The following CCSER1 variants were observed in gnomAD, a reference collection of about 807,000 sequenced individuals.
The protein encoded by CCSER1 is coiled-coil serine rich protein 1, also known as serine-rich coiled-coil domain-containing protein 1.
Under a neutral mutation model 82.0 loss-of-function variants are expected in CCSER1, and 41 were observed. The ratio of observed to expected loss-of-function variants is 0.50; its 90% CI spans 0.39 to 0.65. The LOEUF (loss-of-function observed/expected upper bound fraction) is 0.65. Among genes scored for constraint, CCSER1 ranks in the 30% least tolerant of loss-of-function variants. The pLI is 0.00. For missense variants in CCSER1, 1,119 were observed against 1,064.2 expected (o/e 1.05, Z -0.72); for synonymous variants, 414 against 383.9 (o/e 1.08, Z -0.92).
At chr4:90,390,452 C>A (rs181739752) in intron 3 of CCSER1, among the ~76,000 whole-genome samples, 185 of 152,192 alleles carry the variant, frequency 1.2e-3, no homozygotes, top group African/African-American at 4.4e-3. Flanking sequence ...TCCCACATGC[C>A]AAGTAGTCCC....
chr4:90,792,446 A>G (rs918637816), intron 7 of CCSER1, among the ~76,000 whole-genome samples: 8 of 152,030 alleles, frequency 5.3e-5, no homozygotes, highest in Admixed American at 2.6e-4. Context: ...GCACTGCCCA[A>G]TGTTATTCAC....
intron 10 of CCSER1, among the ~76,000 whole-genome samples, chr4:91,511,437 G>A (rs935936907): frequency 1.3e-5 from 2 of 152,110 alleles, no homozygotes; most frequent in Non-Finnish European, 2.9e-5. Flanking sequence ...TAATGACAAT[G>A]CTTCCAGGCC....
At chr4:91,595,593 C>A (rs1451071895) in intron 10 of CCSER1, among the ~76,000 whole-genome samples, 1 of 151,884 alleles carries the variant, frequency 6.6e-6, no homozygotes, top group Non-Finnish European at 1.5e-5. Context: ...TCAAGGAGGT[C>A]ATTAAATATT....
intron 1 of CCSER1, among the ~76,000 whole-genome samples, chr4:90,276,377 C>T (rs1727820321): frequency 7.3e-6 from 1 of 137,070 alleles, no homozygotes; most frequent in South Asian, 2.4e-4. Context: ...AACGGAGTCT[C>T]ACTCTGTTGC....
At chr4:90,723,035 A>G (rs945686056) in intron 6 of CCSER1, among the ~76,000 whole-genome samples, 2 of 151,946 alleles carry the variant, frequency 1.3e-5, no homozygotes, top group Non-Finnish European at 1.5e-5. Context: ...GTGTTTGCAC[A>G]TATATTTAGA....
chr4:90,654,526 A>G (rs1383339261), intron 6 of CCSER1, among the ~76,000 whole-genome samples: 3 of 152,120 alleles, frequency 2.0e-5, no homozygotes, highest in Non-Finnish European at 4.4e-5. Context: ...TTCTAAATGT[A>G]CATTGCTCAT....
At chr4:91,085,704 G>A (rs1723313660) in intron 9 of CCSER1, among the ~76,000 whole-genome samples, 1 of 152,126 alleles carries the variant, frequency 6.6e-6, no homozygotes, top group South Asian at 2.1e-4. Context: ...TAAAATAGAT[G>A]TATTAACATT....
intron 10 of CCSER1, among the ~76,000 whole-genome samples, chr4:91,476,706 C>T (rs190744314): frequency 6.6e-6 from 1 of 151,028 alleles, no homozygotes; most frequent in Non-Finnish European, 1.5e-5. Context: ...ACAAAAAAAA[C>T]CCCATAGACA....
intron 6 of CCSER1, among the ~76,000 whole-genome samples, chr4:90,719,030 G>A (rs958398190): frequency 2.0e-5 from 3 of 151,918 alleles, no homozygotes; most frequent in Non-Finnish European, 2.9e-5. Flanking sequence ...CTTTATTACA[G>A]GGCTCCTCAA....
intron 10 of CCSER1, among the ~76,000 whole-genome samples, chr4:91,223,637 G>A (rs1200066336): frequency 6.6e-6 from 1 of 152,072 alleles, no homozygotes; most frequent in Non-Finnish European, 1.5e-5. Context: ...CTGAGGATGG[G>A]TAGTGAGAAG....
chr4:91,387,602 G>A (rs1319951707), intron 10 of CCSER1, among the ~76,000 whole-genome samples: 1 of 151,960 alleles, frequency 6.6e-6, no homozygotes, highest in East Asian at 1.9e-4. Flanking sequence ...TTTCCTTGAG[G>A]CTTTGGTCTC....
At chr4:91,206,107 C>T (rs918459612) in intron 10 of CCSER1, among the ~76,000 whole-genome samples, 14 of 151,712 alleles carry the variant, frequency 9.2e-5, no homozygotes, top group Admixed American at 2.6e-4. Flanking sequence ...CCAGAATGTT[C>T]GGGGAAGTGA....
At chr4:90,225,160 G>T (rs1307301661) in intron 1 of CCSER1, among the ~76,000 whole-genome samples, 1 of 151,362 alleles carries the variant, frequency 6.6e-6, no homozygotes, top group Non-Finnish European at 1.5e-5. Flanking sequence ...GCCTCCATGG[G>T]TTCAAGTTAT....
At chr4:91,045,095 C>T (rs1481486854) in intron 9 of CCSER1, among the ~76,000 whole-genome samples, 3 of 152,084 alleles carry the variant, frequency 2.0e-5, no homozygotes, top group Non-Finnish European at 4.4e-5. Flanking sequence ...GAACAGTGCC[C>T]TATAGCTAGA....
intron 8 of CCSER1, among the ~76,000 whole-genome samples, chr4:90,915,197 G>C (rs11722536): frequency 6.6e-6 from 1 of 152,074 alleles, no homozygotes; most frequent in South Asian, 2.1e-4. Flanking sequence ...CCAAAGCCTG[G>C]CAGAGACACA....
intron 10 of CCSER1, among the ~76,000 whole-genome samples, chr4:91,592,024 C>T (rs73836289): frequency 0.099 from 15,067 of 152,114 alleles, 768 homozygotes; most frequent in Middle Eastern, 0.16. Context: ...ATGGAGTTCT[C>T]AGTAAATGCC....
chr4:90,810,249 A>G (rs1027106441), intron 7 of CCSER1, among the ~76,000 whole-genome samples: 19 of 152,176 alleles, frequency 1.2e-4, no homozygotes, highest in African/African-American at 3.6e-4. Context: ...AGCGAGAGCC[A>G]CCATGGCCAG....
chr4:90,206,013 A>G (rs1448704306), intron 1 of CCSER1, among the ~76,000 whole-genome samples: 1 of 152,092 alleles, frequency 6.6e-6, no homozygotes, highest in Non-Finnish European at 1.5e-5. Flanking sequence ...CTCTGATAGA[A>G]GTTTGTATTT....
chr4:91,401,324 T>C (rs1418002359), intron 10 of CCSER1, among the ~76,000 whole-genome samples: 1 of 148,386 alleles, frequency 6.7e-6, no homozygotes, highest in Non-Finnish European at 1.5e-5. Context: ...AGATATACTG[T>C]ATATATATTA....
Sources: gnomAD v4.1 joint callset for allele counts (sites outside exome capture counted in the v4.1 genomes callset) on GRCh38, gnomAD v4.1.1 for gene constraint, MANE v1.5 for transcripts, NCBI Gene and HGNC (gene_info 2026-07-23, HGNC 2026-07-21) for gene names.